KCNK10: variants seen among roughly 807,000 people sequenced by gnomAD.
KCNK10 encodes potassium two pore domain channel subfamily K member 10.
In KCNK10, 25 loss-of-function variants were observed where a neutral mutation model predicts 47.7. The observed-to-expected ratio is 0.52, with a 90% CI of 0.38 to 0.73. The LOEUF is 0.73. Among genes scored for constraint, KCNK10 ranks in the 30% least tolerant of loss-of-function variants. The probability of loss-of-function intolerance (pLI) is 0.00; values close to 1 mark genes in which losing one functional copy is unlikely to be tolerated. For missense variants in KCNK10, 563 were observed against 714.5 expected (o/e 0.79, Z 2.42); for synonymous variants, 303 against 285.6 (o/e 1.06, Z -0.61).
intron 3 of KCNK10, among the ~76,000 whole-genome samples, chr14:88,231,037 G>A (rs1051407956): frequency 6.6e-6 from 1 of 152,086 alleles, no homozygotes; most frequent in South Asian, 2.1e-4. Context: ...CACTTTGGGA[G>A]GCCAAGGTGG....
intron 1 of KCNK10, among the ~76,000 whole-genome samples, chr14:88,288,383 C>A (rs1887810982): frequency 2.0e-5 from 3 of 152,184 alleles, no homozygotes; most frequent in Non-Finnish European, 4.4e-5. Context: ...TGCTATTCAT[C>A]CAGGGCTTGG....
intron 1 of KCNK10, among the ~76,000 whole-genome samples, chr14:88,278,342 T>C (rs1199273997): frequency 6.6e-6 from 1 of 152,194 alleles, no homozygotes; most frequent in Non-Finnish European, 1.5e-5. Context: ...ATCAAATCTA[T>C]TACCAAAGCA....
At chr14:88,282,425 G>A (rs574957029) in intron 1 of KCNK10, among the ~76,000 whole-genome samples, 2 of 152,322 alleles carry the variant, frequency 1.3e-5, no homozygotes, top group South Asian at 4.1e-4. Flanking sequence ...TTCTCAATTT[G>A]ATGCTAATAG....
At chr14:88,244,885 G>A (rs1332861395) in intron 2 of KCNK10, among the ~76,000 whole-genome samples, 1 of 152,180 alleles carries the variant, frequency 6.6e-6, no homozygotes, top group African/African-American at 2.4e-5. Context: ...CCATTATCAA[G>A]TTCAGAGAGA....
chr14:88,263,199 C>T lies in KCNK10; in HGVS notation c.402+3G>A. The T allele has an allele frequency of 3.7e-6, 6 of 1,611,130 alleles. No homozygotes were observed. The highest frequency in any genetic ancestry group is 4.2e-6 in the Non-Finnish European group (5 of 1,177,966). On this transcript the variant is annotated splice_donor_region_variant and intron_variant, in intron 2 of 6. Coordinates refer to ENST00000319231, the MANE Select transcript of KCNK10 (RefSeq NM_138317.3). ...GCCTAAGATGGACTCACTCCCTGCT[C>T]ACCTGGATCAACGTCTCCAGCTCCT... is the stretch of plus-strand genomic sequence containing the variant.
rs1464938060 is a variant in KCNK10, at chr14:88,182,353, G to A, written c.*3182C>T. On this transcript the variant is annotated 3_prime_UTR_variant, in exon 7 of 7. Transcript: ENST00000319231. ...ATGGGAGTGCAGATTGGAAAGGGGG[G>A]GCTGTGCTGATGCATGTATAGAATG... 3 of 152,254 alleles carry A rather than the reference G, an allele frequency of 2.0e-5. No homozygotes were observed. The highest frequency in any genetic ancestry group is 6.5e-5 in the Admixed American group (1 of 15,274). The allele number at this position is 152,254 out of a possible 1,614,324, so 9.4% of individuals were successfully genotyped here.
chr14:88,227,298 T>A lies in KCNK10; in HGVS notation c.681+77A>T, dbSNP rs1308289123. On this transcript the variant is annotated intron_variant, in intron 4 of 6. Coordinates refer to ENST00000319231, the MANE Select transcript of KCNK10 (RefSeq NM_138317.3). ...CATTAAAAGCAGACAATGCCCCTGA[T>A]ACTGCCTCCTGGATCCTGTCAGGCT... 3 of 1,174,660 alleles carry A rather than the reference T, an allele frequency of 2.6e-6. No homozygotes were observed. The African/African-American group carries it at 4.7e-5, about 18-fold the overall frequency. The allele number at this position is 1,174,660 out of a possible 1,614,324, so 72.8% of individuals were successfully genotyped here.
intron 1 of KCNK10, among the ~76,000 whole-genome samples, chr14:88,276,963 C>A (rs1258490053): frequency 1.3e-4 from 20 of 152,212 alleles, no homozygotes; most frequent in Non-Finnish European, 1.5e-5. Context: ...AAGGATTTTC[C>A]ATCGAAAGCA....
At chr14:88,272,763 G>A (rs755119459) in intron 1 of KCNK10, among the ~76,000 whole-genome samples, 2 of 152,090 alleles carry the variant, frequency 1.3e-5, no homozygotes, top group African/African-American at 2.4e-5. Flanking sequence ...GTGAGAGATC[G>A]TCTGTGGGGG....
intron 1 of KCNK10, among the ~76,000 whole-genome samples, chr14:88,279,364 C>CATGTGT (rs1491094361): frequency 7.3e-6 from 1 of 137,578 alleles, no homozygotes; most frequent in Non-Finnish European, 1.6e-5. Context: ...TTGCCAGATA[C>CATGTGT]GTGTGTGTGT....
chr14:88,225,594 T>C (rs1350851549), intron 4 of KCNK10, among the ~76,000 whole-genome samples: 1 of 152,228 alleles, frequency 6.6e-6, no homozygotes. Flanking sequence ...ATATAGTAAC[T>C]AGAATTTTTT....
At chr14:88,199,048 T>A (rs1266393097) in intron 4 of KCNK10, among the ~76,000 whole-genome samples, 1 of 151,942 alleles carries the variant, frequency 6.6e-6, no homozygotes, top group Middle Eastern at 3.4e-3. Flanking sequence ...GCCTCCCGAG[T>A]AGCTGAGATT....
chr14:88,316,454 G>T (rs1274509284), intron 1 of KCNK10, among the ~76,000 whole-genome samples: 1 of 152,204 alleles, frequency 6.6e-6, no homozygotes, highest in Admixed American at 6.5e-5. Flanking sequence ...TCTCCGCTGA[G>T]AGTACCCCTA....
At chr14:88,205,418 T>C (rs1437214600) in intron 4 of KCNK10, among the ~76,000 whole-genome samples, 1 of 152,190 alleles carries the variant, frequency 6.6e-6, no homozygotes, top group African/African-American at 2.4e-5. Context: ...CCCCTGTCCA[T>C]AGAACTGCTC....
chr14:88,295,215 AC>A (rs1028439715), intron 1 of KCNK10, among the ~76,000 whole-genome samples: 9 of 152,182 alleles, frequency 5.9e-5, no homozygotes, highest in African/African-American at 2.2e-4. Flanking sequence ...TTGCTCTGTC[AC>A]CCTTGTGGGA....
At chr14:88,218,742 A>G (rs1885704127) in intron 4 of KCNK10, among the ~76,000 whole-genome samples, 2 of 152,112 alleles carry the variant, frequency 1.3e-5, no homozygotes, top group African/African-American at 4.8e-5. Flanking sequence ...CATCCTATCA[A>G]GTGATAATCA....
chr14:88,237,233 T>C (rs906103899), intron 3 of KCNK10, among the ~76,000 whole-genome samples: 1 of 152,224 alleles, frequency 6.6e-6, no homozygotes, highest in African/African-American at 2.4e-5. Flanking sequence ...TCCTAATTCA[T>C]TCAAGTTTTA....
At chr14:88,187,629 C>G (rs922564654) in intron 6 of KCNK10, among the ~76,000 whole-genome samples, 4 of 148,760 alleles carry the variant, frequency 2.7e-5, no homozygotes, top group African/African-American at 1.0e-4. Context: ...GGCTGCACCC[C>G]CCCACACACA....
chr14:88,307,260 A>G (rs1888222476), intron 1 of KCNK10, among the ~76,000 whole-genome samples: 1 of 133,074 alleles, frequency 7.5e-6, no homozygotes, highest in Non-Finnish European at 1.7e-5. Flanking sequence ...TTCATTCTTC[A>G]TTCAAAATAG....
Sources: gnomAD v4.1 joint callset for allele counts (sites outside exome capture counted in the v4.1 genomes callset) on GRCh38, gnomAD v4.1.1 for gene constraint, MANE v1.5 for transcripts, NCBI Gene and HGNC (gene_info 2026-07-23, HGNC 2026-07-21) for gene names.